FSTL4: variants seen among roughly 807,000 people sequenced by gnomAD.
FSTL4 encodes the protein follistatin-related protein 4.
In FSTL4, 28 loss-of-function variants were observed where a neutral mutation model predicts 78.2. That is an observed-to-expected ratio of 0.36 (90% CI 0.27 to 0.49). The LOEUF (loss-of-function observed/expected upper bound fraction) is 0.49, where lower values mean the gene tolerates loss of function less well. Among genes scored for constraint, FSTL4 ranks in the 20% least tolerant of loss-of-function variants. The pLI is 0.98. For missense variants in FSTL4, 922 were observed against 1,084.9 expected (o/e 0.85, Z 2.11); for synonymous variants, 422 against 440.5 (o/e 0.96, Z 0.53).
chr5:133,689,204 C>T, the FSTL4 span, among the ~76,000 whole-genome samples: 18 of 152,172 alleles, frequency 1.2e-4, no homozygotes, highest in Admixed American at 1.0e-3. Context: ...TCAATCTGCC[C>T]TTGCCTTAGT....
the FSTL4 span, among the ~76,000 whole-genome samples, chr5:133,639,797 ACCAGCTCGGGGTTG>A: frequency 6.6e-6 from 1 of 152,166 alleles, no homozygotes; most frequent in African/African-American, 2.4e-5. Flanking sequence ...CTTATGTGCT[ACCAGCTCGGGGTTG>A]AGCTTGCATG....
chr5:133,289,331 C>G (rs772757975), intron 6 of FSTL4, among the ~76,000 whole-genome samples: 3 of 152,216 alleles, frequency 2.0e-5, no homozygotes, highest in Non-Finnish European at 4.4e-5. Context: ...CCTTCTCTAT[C>G]TGTCCAAATA....
At chr5:133,631,454 T>C in the FSTL4 span, among the ~76,000 whole-genome samples, 32 of 152,210 alleles carry the variant, frequency 2.1e-4, no homozygotes, top group South Asian at 6.4e-3. Flanking sequence ...TGAGATACCA[T>C]TTCACGCCAG....
intron 6 of FSTL4, among the ~76,000 whole-genome samples, chr5:133,264,970 T>C (rs1328135642): frequency 1.3e-5 from 2 of 152,166 alleles, no homozygotes; most frequent in East Asian, 3.9e-4. Context: ...CAAAATCTCG[T>C]CCACTCTCCC....
At chr5:133,478,695 G>T (rs1374648377) in intron 3 of FSTL4, among the ~76,000 whole-genome samples, 1 of 152,132 alleles carries the variant, frequency 6.6e-6, no homozygotes, top group Non-Finnish European at 1.5e-5. Flanking sequence ...AATTTTTCAT[G>T]AAGAGTAAAA....
At chr5:133,557,588 C>T in intron 3 of FSTL4, among the ~76,000 whole-genome samples, 1 of 152,340 alleles carries the variant, frequency 6.6e-6, no homozygotes, top group Admixed American at 6.5e-5. Flanking sequence ...TCTGTCCAAT[C>T]CCAGTGAGCT....
chr5:133,633,515 T>C, the FSTL4 span, among the ~76,000 whole-genome samples: 1 of 152,202 alleles, frequency 6.6e-6, no homozygotes. Flanking sequence ...CTTTTTTTCA[T>C]TGATTTCAAG....
chr5:133,403,584 G>A (rs565434125), intron 3 of FSTL4, among the ~76,000 whole-genome samples: 53 of 152,288 alleles, frequency 3.5e-4, no homozygotes, highest in Non-Finnish European at 6.8e-4. Flanking sequence ...CTAGGGGCTC[G>A]GATGGGGAGG....
At chr5:133,400,072 A>G (rs945637573) in intron 4 of FSTL4, among the ~76,000 whole-genome samples, 21 of 152,216 alleles carry the variant, frequency 1.4e-4, no homozygotes, top group Non-Finnish European at 2.2e-4. Context: ...ATAAGCGCAT[A>G]AGACAGCCAT....
At chr5:133,451,796 A>T (rs1323944404) in intron 3 of FSTL4, among the ~76,000 whole-genome samples, 1 of 152,172 alleles carries the variant, frequency 6.6e-6, no homozygotes, top group African/African-American at 2.4e-5. Flanking sequence ...AAGGAAACAG[A>T]ATTGTTCAAG....
Position 133,225,534 on chromosome 5 carries a change from G to A in FSTL4, c.1177+124C>T. The A allele has an allele frequency of 2.1e-6, 2 of 953,596 alleles. No homozygotes were observed. 59.1% of individuals were successfully genotyped at this position (953,596 alleles called of 1,614,324 possible). A position where few individuals can be genotyped will look rare whatever the true frequency, so the allele number is the denominator to read the frequency against. Reference sequence around the variant, plus strand: ...GCCCAGATAACAGGGAAATTTGGGAGCCATCTGTTCACTCCTAACCTGTCT... The same window carrying A: ...GCCCAGATAACAGGGAAATTTGGGAACCATCTGTTCACTCCTAACCTGTCT... On this transcript the variant is annotated intron_variant, in intron 9 of 15. Transcript: ENST00000265342. This position sits in a 1 kb window ranked among gnomAD's most constrained non-coding sequence, Gnocchi z 4.6.
At chr5:133,701,633 T>G in the FSTL4 span, among the ~76,000 whole-genome samples, 2 of 152,094 alleles carry the variant, frequency 1.3e-5, no homozygotes. Flanking sequence ...TCTTAGTTCT[T>G]CCGCACACAC....
the FSTL4 span, among the ~76,000 whole-genome samples, chr5:133,787,588 C>T: frequency 6.6e-6 from 1 of 151,726 alleles, no homozygotes; most frequent in African/African-American, 2.4e-5. Context: ...GTCCCACGCC[C>T]TGCTCCTGAG....
At chr5:133,380,740 G>A (rs571608193) in intron 4 of FSTL4, among the ~76,000 whole-genome samples, 15 of 151,086 alleles carry the variant, frequency 9.9e-5, no homozygotes, top group African/African-American at 2.4e-4. Context: ...ACCAATATCC[G>A]TTATGATTAT....
chr5:133,241,513 G>C (rs1176235516), intron 7 of FSTL4, among the ~76,000 whole-genome samples: 1 of 152,186 alleles, frequency 6.6e-6, no homozygotes, highest in East Asian at 1.9e-4. Context: ...CCCTCCACTT[G>C]TCCACCCTTA....
At chr5:133,818,287 A>G in the FSTL4 span, among the ~76,000 whole-genome samples, 1 of 152,228 alleles carries the variant, frequency 6.6e-6, no homozygotes, top group African/African-American at 2.4e-5. Flanking sequence ...AACACACAGC[A>G]TGGCCATGCA....
intron 4 of FSTL4, among the ~76,000 whole-genome samples, chr5:133,362,941 A>T (rs1384508160): frequency 1.3e-5 from 2 of 151,576 alleles, no homozygotes; most frequent in Non-Finnish European, 2.9e-5. Flanking sequence ...ATTTCATCTT[A>T]AGTTTAATAT....
At chr5:133,239,185 C>A (rs1021339510) in intron 7 of FSTL4, among the ~76,000 whole-genome samples, 1 of 152,146 alleles carries the variant, frequency 6.6e-6, no homozygotes, top group Admixed American at 6.5e-5. Context: ...CCCTGCGGGG[C>A]AAGGCTCAGG....
chr5:133,578,374 T>C (rs1307908645), intron 2 of FSTL4, among the ~76,000 whole-genome samples: 2 of 152,180 alleles, frequency 1.3e-5, no homozygotes, highest in African/African-American at 4.8e-5. Context: ...CCCACTCCAG[T>C]TTGCCCATCT....
Sources: gnomAD v4.1 joint callset for allele counts (sites outside exome capture counted in the v4.1 genomes callset) on GRCh38, gnomAD v4.1.1 for gene constraint, Gnocchi (gnomAD v3.1) non-coding constraint, MANE v1.5 for transcripts, NCBI Gene and HGNC (gene_info 2026-07-23, HGNC 2026-07-21) for gene names.